NAIP: variants seen among roughly 807,000 people sequenced by gnomAD.
NAIP encodes baculoviral IAP repeat-containing protein 1.
A neutral mutation model predicts 23.0 loss-of-function variants in NAIP; 15 were observed. That is an observed-to-expected ratio of 0.65 (90% confidence interval 0.44 to 1.00). The LOEUF is 1.00. Among genes scored for constraint, NAIP ranks in the 50% least tolerant of loss-of-function variants. The pLI is 0.00. For synonymous variants in NAIP, 100 were observed against 100.2 expected (o/e 1.00, Z 0.01); for missense variants, 265 against 278.8 (o/e 0.95, Z 0.35).
chr5:70,972,695 CAG>C (rs1163363079), intron 16 of NAIP, among the ~76,000 whole-genome samples: 2 of 48,166 alleles, frequency 4.2e-5, no homozygotes, highest in Admixed American at 2.8e-4. Context: ...GGGAGAGCGA[CAG>C]GGGTTACTGG....
intron 4 of NAIP, 115 bp from the exon 5 acceptor site, chr5:71,011,489 G>A (rs1456541246): frequency 2.5e-5 from 21 of 841,486 alleles, no homozygotes; most frequent in African/African-American, 1.2e-4. Context: ...GTGCACTCCC[G>A]ATCTCATTGG....
At position 71,008,242 on chromosome 5, in the gene NAIP, G is replaced by T. The variant is rs1468848332; in HGVS notation, c.668+3033C>A. Among the ~76,000 whole-genome samples the T allele has an allele frequency of 2.0e-5, 3 of 147,288 alleles. No individual in the cohort carries two copies. In the East Asian group the frequency reaches 6.1e-4, roughly 30 times the overall value. ...CTGCCACCACGCCTGGCCAATTTTT[G>T]TATTTTTAATAGAGACAGGGTTTTA... On this transcript the variant is annotated intron_variant, in intron 5 of 16. Coordinates refer to ENST00000517649, the MANE Select transcript of NAIP (RefSeq NM_004536.3).
At chr5:71,013,528 T>C (rs977644898) in intron 3 of NAIP, among the ~76,000 whole-genome samples, 1 of 149,994 alleles carries the variant, frequency 6.7e-6, no homozygotes, top group East Asian at 2.0e-4. Flanking sequence ...TAGTCCCAGC[T>C]ACTCGGGAGG....
chr5:71,000,519 CTAATAATAATAATAA>C (rs1167859888), intron 8 of NAIP, among the ~76,000 whole-genome samples: 17 of 113,704 alleles, frequency 1.5e-4, no homozygotes, highest in African/African-American at 6.8e-4. Flanking sequence ...GGTCATCTGA[CTAATAATAATAATAA>C]TAATAATAAT....
intron 3 of NAIP, among the ~76,000 whole-genome samples, chr5:71,014,479 T>A (rs1751342425): frequency 6.6e-6 from 1 of 151,668 alleles, no homozygotes; most frequent in South Asian, 2.1e-4. Flanking sequence ...TTTTACCATT[T>A]ATTCTAAGCC....
chr5:71,015,272 G>A (rs547435630), intron 3 of NAIP, among the ~76,000 whole-genome samples: 38 of 151,048 alleles, frequency 2.5e-4, no homozygotes, highest in African/African-American at 7.5e-4. Flanking sequence ...CCAGCTACTC[G>A]GGGAGCAGAG....
rs1475378626 is a variant in NAIP at position 71,009,373 on chromosome 5, A to G, written c.668+1902T>C. ...GCAAAACTCACTCTCAAAAAAAAAA[A>G]AAAAAGAAAAGAAAGAAAGAAAACA... On this transcript the variant is annotated intron_variant, in intron 5 of 16. Coordinates refer to ENST00000517649, the MANE Select transcript of NAIP (RefSeq NM_004536.3). Among the ~76,000 whole-genome samples, 6 of 149,118 alleles carry G rather than the reference A, an allele frequency of 4.0e-5. 1 individual carries two copies. Among genetic ancestry groups the G allele is most frequent in the Non-Finnish European group, 7.4e-5 (5 of 67,206 alleles).
chr5:70,996,749 C>T (rs1321652268), intron 9 of NAIP, among the ~76,000 whole-genome samples: 36 of 136,882 alleles, frequency 2.6e-4, no homozygotes, highest in African/African-American at 7.5e-4. Flanking sequence ...AGTGAGATCA[C>T]GCCATTACAC....
chr5:71,013,713 A>ACT (rs1373296627), intron 3 of NAIP, among the ~76,000 whole-genome samples: 1 of 150,988 alleles, frequency 6.6e-6, no homozygotes, highest in Non-Finnish European at 1.5e-5. Context: ...ACCTGCCAGA[A>ACT]GCCTCGGGTA....
In NAIP at chr5:71,012,645, C is replaced by T. The variant is rs1239561343; in HGVS notation, c.271G>A (p.Val91Ile). 2 of 1,612,000 alleles carry T rather than the reference C, an allele frequency of 1.2e-6. No individual in the cohort carries two copies. The highest frequency in any genetic ancestry group is 8.5e-7 in the Non-Finnish European group (1 of 1,178,516). Residue 91 changes from valine (V) to isoleucine (I), a missense_variant, in exon 4 of 17, where the codon GTA becomes ATA. Around this residue, in one of 2 missense-constraint regions of NAIP, gnomAD observed 261 missense variants for 259.2 expected, o/e 1.01. Transcript: ENST00000517649. ...MAAAGFYFTG[V>I]KSGIQCFCCS... ...CAGAAGCACTGAATCCCAGATTTTACCCCAGTGAAGTAAAACCCAGCGGCC... is the reference window on the plus strand; with the variant it reads ...CAGAAGCACTGAATCCCAGATTTTATCCCAGTGAAGTAAAACCCAGCGGCC...
At chr5:71,011,707 C>T in intron 4 of NAIP, 1 of 457,618 alleles carries the variant, frequency 2.2e-6, no homozygotes, top group Non-Finnish European at 4.1e-6. Flanking sequence ...AATTAGAAAA[C>T]CTACGTTTTA....
chr5:71,011,565 A>G (rs1178807065), intron 4 of NAIP, 191 bp from the exon 5 acceptor site: 1 of 597,176 alleles, frequency 1.7e-6, no homozygotes, highest in African/African-American at 1.9e-5. Flanking sequence ...TGCTCTAGGT[A>G]CAGAACCCTA....
chr5:71,012,601 A>G lies in NAIP; in HGVS notation c.315T>C (p.Phe105=). ...IQCFCCSLIL[F]GAGLTRLPIE... is the part of the protein sequence containing the mutation. The stretch of plus-strand genomic sequence containing the variant: ...TGGGGAGTCTCGTGAGGCCGGCACC[A>G]AAGAGGATTAGGCTACAGCAGAAGC... Residue 105 remains phenylalanine (F), a synonymous_variant, in exon 4 of 17, where the codon TTT becomes TTC. Coordinates refer to ENST00000517649, the MANE Select transcript of NAIP (RefSeq NM_004536.3). 1.2e-6 allele frequency: 2 copies of G among 1,611,980 alleles called. No individual in the cohort carries two copies. Among genetic ancestry groups the G allele is most frequent in the South Asian group, 2.2e-5 (2 of 90,978 alleles).
intron 5 of NAIP, among the ~76,000 whole-genome samples, chr5:71,009,786 C>T (rs1751060759): frequency 6.6e-6 from 1 of 151,608 alleles, no homozygotes; most frequent in African/African-American, 2.4e-5. Context: ...ATTTATTACA[C>T]TATTCTATCT....
intron 13 of NAIP, among the ~76,000 whole-genome samples, chr5:70,979,119 G>GGTGACA: frequency 1.5e-4 from 1 of 6,802 alleles, no homozygotes; most frequent in South Asian, 5.2e-3. Context: ...GGGATTACAG[G>GGTGACA]TGTGAGTCAC....
At chr5:71,013,794 G>C (rs888894268) in intron 3 of NAIP, among the ~76,000 whole-genome samples, 1 of 151,394 alleles carries the variant, frequency 6.6e-6, no homozygotes, top group African/African-American at 2.4e-5. Flanking sequence ...AGCTCCATCA[G>C]CGTGAGTCGG....
At chr5:71,013,091 T>A (rs1751247325) in intron 3 of NAIP, among the ~76,000 whole-genome samples, 173 bp from the exon 4 acceptor site, 1 of 151,614 alleles carries the variant, frequency 6.6e-6, no homozygotes, top group African/African-American at 2.4e-5. Flanking sequence ...AATCAACAAA[T>A]ATTTACTAAG....
chr5:71,015,376 G>A (rs1751390163), intron 3 of NAIP, among the ~76,000 whole-genome samples: 3 of 147,832 alleles, frequency 2.0e-5, no homozygotes, highest in African/African-American at 7.5e-5. Flanking sequence ...TTCCTCAACA[G>A]CATCCCCATT....
intron 5 of NAIP, among the ~76,000 whole-genome samples, chr5:71,009,588 G>T (rs143512179): frequency 1.3e-5 from 2 of 151,272 alleles, no homozygotes; most frequent in Admixed American, 6.6e-5. Context: ...TTACTCGGAG[G>T]CTGAGGCACA....
Sources: allele counts gnomAD v4.1 joint callset (sites outside exome capture counted in the v4.1 genomes callset), GRCh38; gene constraint gnomAD v4.1.1; regional missense constraint gnomAD v4.1.1; transcripts MANE v1.5; gene names NCBI Gene and HGNC (gene_info 2026-07-23, HGNC 2026-07-21).